MOSPD1: variants seen among roughly 807,000 people sequenced by gnomAD.
The protein encoded by MOSPD1 is motile sperm domain containing 1.
Under a neutral mutation model 16.7 loss-of-function variants are expected in MOSPD1, and 5 were observed. The ratio of observed to expected loss-of-function variants is 0.30; its 90% CI spans 0.16 to 0.63. MOSPD1 has a LOEUF of 0.63. Ranked by LOEUF, MOSPD1 falls within the 30% of genes least tolerant of loss-of-function variation. MOSPD1 has a pLI of 0.82. For missense variants in MOSPD1, 104 were observed against 153.6 expected, an observed-to-expected ratio of 0.68 and a Z score of 1.71; for synonymous variants, 67 against 59.2, an observed-to-expected ratio of 1.13 and a Z score of -0.61.
At chrX:134,915,136 C>G (rs1432436230) in intron 1 of MOSPD1, 46 bp downstream of exon 1, 1 of 112,979 alleles carries the variant, frequency 8.9e-6, no homozygotes, top group Non-Finnish European at 1.9e-5. Context: ...TCCACATTTT[C>G]CCGAAGTCAG....
chrX:134,906,957 G>A (rs753998767), intron 1 of MOSPD1, among the ~76,000 whole-genome samples: 7 of 111,599 alleles, frequency 6.3e-5, no homozygotes, highest in African/African-American at 1.6e-4. Flanking sequence ...GGCCTGGCAC[G>A]GTGGCTCACG....
chrX:134,911,035 T>C (rs2082968735), intron 1 of MOSPD1, among the ~76,000 whole-genome samples: 1 of 112,456 alleles, frequency 8.9e-6, no homozygotes, highest in African/African-American at 3.2e-5. Context: ...GGATTTTTTC[T>C]TTTTTAAATA....
intron 1 of MOSPD1, among the ~76,000 whole-genome samples, chrX:134,909,105 A>C (rs767580990): frequency 9.3e-6 from 1 of 107,158 alleles, no homozygotes; most frequent in African/African-American, 3.6e-5. Flanking sequence ...GTCTCTACTA[A>C]AAATACAAAA....
Position 134,888,935 on chromosome X carries a change from C to A in MOSPD1, c.*226G>T. ...GGTATAGATATAAAAAGAATTTCTT[C>A]AAATAATTTCCTAGGTGTCACTCAG... On this transcript the variant is annotated 3_prime_UTR_variant, in exon 6 of 6. Coordinates refer to ENST00000370783, the MANE Select transcript of MOSPD1 (RefSeq NM_019556.3). 1 of 216,028 alleles carries A rather than the reference C, an allele frequency of 4.6e-6. No homozygotes were observed. The highest frequency in any genetic ancestry group is 8.6e-6 in the Non-Finnish European group (1 of 116,632). 17.8% of individuals were successfully genotyped at this position (216,028 alleles called of 1,213,427 possible).
chrX:134,910,276 G>A (rs1210832935), intron 1 of MOSPD1, among the ~76,000 whole-genome samples: 1 of 110,718 alleles, frequency 9.0e-6, no homozygotes, highest in Non-Finnish European at 1.9e-5. Context: ...ATGGTGGCGG[G>A]CGCCTGTAAT....
At chrX:134,914,685 C>A (rs1004874365) in intron 1 of MOSPD1, among the ~76,000 whole-genome samples, 27 of 112,659 alleles carry the variant, frequency 2.4e-4, no homozygotes, top group African/African-American at 8.4e-4. Context: ...CCCGGGACGC[C>A]TCGCTCCAAC....
At chrX:134,910,669 C>T (rs1024495639) in intron 1 of MOSPD1, among the ~76,000 whole-genome samples, 12 of 111,717 alleles carry the variant, frequency 1.1e-4, no homozygotes, top group Non-Finnish European at 1.1e-4. Context: ...AGTGGAGGGC[C>T]GGGTGAATTC....
intron 4 of MOSPD1, among the ~76,000 whole-genome samples, chrX:134,895,850 A>C (rs890119815): frequency 1.1e-4 from 12 of 111,165 alleles, no homozygotes; most frequent in African/African-American, 2.9e-4. Flanking sequence ...GCTACTACCT[A>C]GTCACTAGTC....
chrX:134,906,272 G>A (rs780747734), intron 1 of MOSPD1, among the ~76,000 whole-genome samples: 6 of 97,140 alleles, frequency 6.2e-5, no homozygotes, highest in African/African-American at 2.0e-4. Context: ...TCTGCCTCCC[G>A]GGTTCAAGCG....
intron 1 of MOSPD1, among the ~76,000 whole-genome samples, chrX:134,910,085 C>T (rs1170928914): frequency 9.0e-6 from 1 of 111,441 alleles, no homozygotes; most frequent in Non-Finnish European, 1.9e-5. Flanking sequence ...TATGTTGCTA[C>T]ATGAAACACT....
At chrX:134,904,470 T>C (rs964551020) in intron 1 of MOSPD1, among the ~76,000 whole-genome samples, 2 of 112,222 alleles carry the variant, frequency 1.8e-5, no homozygotes, top group African/African-American at 6.5e-5. Flanking sequence ...GAAAGGTTTC[T>C]CTGCAGTGCT....
intron 3 of MOSPD1, 67 bp from the exon 4 acceptor site, chrX:134,897,101 G>C: frequency 1.4e-6 from 1 of 737,833 alleles, no homozygotes; most frequent in Admixed American, 2.9e-5. Flanking sequence ...AAGGCAGTGA[G>C]ATATTTTAAT....
In MOSPD1 at chrX:134,912,139, T is replaced by C. The variant is rs76055461; in HGVS notation, c.-102+3043A>G. Among the ~76,000 whole-genome samples the C allele has an allele frequency of 0.011, 1,264 of 111,647 alleles. 63 individuals carry two copies. In the East Asian group the frequency reaches 0.22, roughly 20 times the overall value. On this transcript the variant is annotated intron_variant, in intron 1 of 5. Coordinates refer to ENST00000370783, the MANE Select transcript of MOSPD1 (RefSeq NM_019556.3). ...CATCTTGGCTCACCGCAACCTCTGC[T>C]CCCAGATTCGAGCGATTTGCCTGCC...
chrX:134,896,823 G>C lies in MOSPD1; in HGVS notation c.442C>G (p.Gln148Glu). 1 of 1,207,215 alleles carries C rather than the reference G, an allele frequency of 8.3e-7. No homozygotes were observed. Among genetic ancestry groups the C allele is most frequent in the South Asian group, 1.8e-5 (1 of 56,818 alleles). Residue 148 changes from glutamine (Q) to glutamate (E), a missense_variant, in exon 4 of 6, where the codon CAA becomes GAA. This residue lies in a region of MOSPD1 where 68 missense variants were observed against 73.1 expected (regional missense o/e 0.93). Coordinates refer to ENST00000370783, the MANE Select transcript of MOSPD1 (RefSeq NM_019556.3). Reference protein sequence around the residue: ...TESLFFEQSFQPENRAVSSGP... With the variant: ...TESLFFEQSFEPENRAVSSGP... ...AAAAACAACCCAAAACTACCTGGTT[G>C]AAACGACTGCTCAAAAAATAAACTT... is the stretch of plus-strand genomic sequence containing the variant.
chrX:134,910,462 C>A (rs2082965274), intron 1 of MOSPD1, among the ~76,000 whole-genome samples: 1 of 110,933 alleles, frequency 9.0e-6, no homozygotes, highest in Non-Finnish European at 1.9e-5. Context: ...TTATTATATA[C>A]AAGGCACTGT....
intron 1 of MOSPD1, among the ~76,000 whole-genome samples, chrX:134,902,054 T>A (rs1357685349): frequency 8.9e-6 from 1 of 111,766 alleles, no homozygotes; most frequent in Non-Finnish European, 1.9e-5. Flanking sequence ...ATGTTCTAAG[T>A]GTTTGTTGTT....
At chrX:134,907,691 C>T (rs909687444) in intron 1 of MOSPD1, among the ~76,000 whole-genome samples, 2 of 112,556 alleles carry the variant, frequency 1.8e-5, no homozygotes, top group Admixed American at 9.4e-5. Context: ...ATGGCGAAAC[C>T]CCGTCTCTAC....
rs765109385 is a variant in MOSPD1, at chrX:134,906,174, C to CTTTTTTTTTTT, written c.-101-6651_-101-6641dup. On this transcript the variant is annotated intron_variant, in intron 1 of 5. Transcript: ENST00000370783. The stretch of plus-strand genomic sequence containing the variant: ...TTCCTATCTCTGTTCCCATTTATCA[C>CTTTTTTTTTTT]TTTTTTTTTTTTTTTTTTTTTTTGA... 2.8e-4 allele frequency among the ~76,000 whole-genome samples: 16 copies of CTTTTTTTTTTT among 56,658 alleles called. 2 individuals are homozygous for CTTTTTTTTTTT. Among genetic ancestry groups the CTTTTTTTTTTT allele is most frequent in the Non-Finnish European group, 3.3e-4 (11 of 33,467 alleles). 49.2% of individuals were successfully genotyped at this position (56,658 alleles called of 115,157 possible). A position where few individuals can be genotyped will look rare whatever the true frequency, so the allele number is the denominator to read the frequency against.
intron 1 of MOSPD1, among the ~76,000 whole-genome samples, chrX:134,907,710 CA>C (rs980583608): frequency 1.8e-5 from 2 of 112,408 alleles, no homozygotes; most frequent in Admixed American, 9.4e-5. Flanking sequence ...ACTAAAAACA[CA>C]AAAAAATTAG....
Sources: allele counts gnomAD v4.1 joint callset (sites outside exome capture counted in the v4.1 genomes callset), GRCh38; gene constraint gnomAD v4.1.1; regional missense constraint gnomAD v4.1.1; transcripts MANE v1.5; gene names NCBI Gene and HGNC (gene_info 2026-07-23, HGNC 2026-07-21).